Variants in VIT observed in about 807,000 individuals in gnomAD.
VIT encodes the protein vitrin.
Under a neutral mutation model 78.0 loss-of-function variants are expected in VIT, and 99 were observed. The observed-to-expected ratio is 1.27, with a 90% CI of 1.08 to 1.50. The LOEUF is 1.50. Among genes scored for constraint, VIT ranks in the 40% most tolerant of loss-of-function variants. The pLI, the probability that VIT is intolerant of heterozygous loss-of-function variation, is 0.00. For missense variants in VIT, 1,126 were observed against 875.3 expected (o/e 1.29, Z -3.61); for synonymous variants, 374 against 334.3 (o/e 1.12, Z -1.29).
At position 36,810,439 on chromosome 2, in the gene VIT, T is replaced by A. The variant is rs143570707; in HGVS notation, c.1903+1454T>A. Among the ~76,000 whole-genome samples, 723 of 152,318 alleles carry A rather than the reference T, an allele frequency of 4.7e-3. 6 individuals carry two copies. The highest frequency in any genetic ancestry group is 0.016 in the African/African-American group (670 of 41,566). The stretch of plus-strand genomic sequence containing the variant: ...ATGCCTTTATTGCAGAATTTATGTA[T>A]AATCACTGATCCAAAAAGTGTCATA... On this transcript the variant is annotated intron_variant, in intron 15 of 15. Transcript: ENST00000379242.
chr2:36,732,874 G>C (rs79618036), intron 3 of VIT, among the ~76,000 whole-genome samples: 2,547 of 152,316 alleles, frequency 0.017, 70 homozygotes, highest in African/African-American at 0.059. Flanking sequence ...AGGCCAAATA[G>C]GGATTGGCCA....
intron 3 of VIT, among the ~76,000 whole-genome samples, chr2:36,742,547 T>A (rs1236212061): frequency 6.6e-6 from 1 of 152,134 alleles, no homozygotes; most frequent in Non-Finnish European, 1.5e-5. Context: ...GCCTTCCACA[T>A]CCTACATAGA....
intron 9 of VIT, among the ~76,000 whole-genome samples, chr2:36,776,665 C>G (rs867231626): frequency 6.6e-6 from 1 of 151,778 alleles, no homozygotes; most frequent in East Asian, 1.9e-4. Flanking sequence ...GCCGGTGGTG[C>G]GTGCCTGTAA....
At chr2:36,729,559 G>C in intron 3 of VIT, 68 bp downstream of exon 3, 3 of 1,504,342 alleles carry the variant, frequency 2.0e-6, no homozygotes, top group African/African-American at 1.4e-5. Flanking sequence ...TATTATACTT[G>C]TTTTAGGTAA....
In VIT at chr2:36,757,085, T is replaced by C. The variant is rs186680266; in HGVS notation, c.410-1884T>C. Among the ~76,000 whole-genome samples the C allele has an allele frequency of 3.0e-4, 46 of 152,326 alleles. 1 individual carries two copies. Among genetic ancestry groups the C allele is most frequent in the Admixed American group, 2.0e-3 (31 of 15,292 alleles). Reference sequence around the variant, plus strand: ...GGCTTGGAAGCCTCTCTCGAATGGATGAGTTAGGAGCTCACTGCAGCATAA... The same window carrying C: ...GGCTTGGAAGCCTCTCTCGAATGGACGAGTTAGGAGCTCACTGCAGCATAA... On this transcript the variant is annotated intron_variant, in intron 5 of 15. Coordinates refer to ENST00000379242, the MANE Select transcript of VIT (RefSeq NM_053276.4).
rs80229188 is a variant in VIT at position 36,767,919 on chromosome 2, G to A, written c.679+634G>A. On this transcript the variant is annotated intron_variant, in intron 7 of 15. Transcript: ENST00000379242. ...TCCAGAACTTTTCTAGCAAGGGGGCGAAAACTTCTGCAGCTGGAGTTCCAC... is the reference window on the plus strand; with the variant it reads ...TCCAGAACTTTTCTAGCAAGGGGGCAAAAACTTCTGCAGCTGGAGTTCCAC... Among the ~76,000 whole-genome samples the A allele has an allele frequency of 5.0e-3, 764 of 152,236 alleles. 6 individuals carry two copies. Among genetic ancestry groups the A allele is most frequent in the African/African-American group, 0.017 (727 of 41,554 alleles).
At chr2:36,776,488 C>A (rs908967760) in intron 9 of VIT, among the ~76,000 whole-genome samples, 2 of 152,036 alleles carry the variant, frequency 1.3e-5, no homozygotes, top group Non-Finnish European at 2.9e-5. Context: ...TATAATAATT[C>A]TATTGTCACT....
Position 36,741,363 on chromosome 2 carries a change from A to C in VIT, c.119-1737A>C, listed in dbSNP as rs146981236. Reference sequence around the variant, plus strand: ...GAGAATGAAACCACAAAACTGTTTGAAGCACAGCGCTCTACTTCTTAATGT... The same window carrying C: ...GAGAATGAAACCACAAAACTGTTTGCAGCACAGCGCTCTACTTCTTAATGT... On this transcript the variant is annotated intron_variant, in intron 3 of 15. Transcript: ENST00000379242. Among the ~76,000 whole-genome samples the C allele has an allele frequency of 6.6e-5, 10 of 152,340 alleles. No individual in the cohort carries two copies. The East Asian group carries it at 1.9e-3, about 29-fold the overall frequency.
At chr2:36,797,988 A>G (rs1000953362) in intron 12 of VIT, among the ~76,000 whole-genome samples, 2 of 152,118 alleles carry the variant, frequency 1.3e-5, no homozygotes, top group Non-Finnish European at 2.9e-5. Context: ...GGCTTTCCAG[A>G]TGAGGGAAGA....
At chr2:36,811,933 C>T (rs1037230657) in intron 15 of VIT, among the ~76,000 whole-genome samples, 25 of 152,146 alleles carry the variant, frequency 1.6e-4, no homozygotes, top group Non-Finnish European at 3.5e-4. Flanking sequence ...ACCTCAGCCT[C>T]CCGAAGTGCT....
intron 12 of VIT, among the ~76,000 whole-genome samples, chr2:36,788,598 T>G (rs1665266815): frequency 6.6e-6 from 1 of 152,154 alleles, no homozygotes; most frequent in African/African-American, 2.4e-5. Context: ...ATAAGAAAAG[T>G]GCGGTTTTAG....
At chr2:36,791,512 G>C (rs1197763851) in intron 12 of VIT, among the ~76,000 whole-genome samples, 1 of 152,104 alleles carries the variant, frequency 6.6e-6, no homozygotes, top group Non-Finnish European at 1.5e-5. Flanking sequence ...ACTCTGAGAT[G>C]GGGGGGTTCT....
At chr2:36,702,843 T>TCC (rs1409662615) in intron 1 of VIT, among the ~76,000 whole-genome samples, 1 of 152,186 alleles carries the variant, frequency 6.6e-6, no homozygotes, top group Admixed American at 6.5e-5. Context: ...CACCTGTAGT[T>TCC]CCCTGGATGT....
chr2:36,762,028 T>C (rs921054044), intron 6 of VIT, among the ~76,000 whole-genome samples: 1 of 152,208 alleles, frequency 6.6e-6, no homozygotes, highest in African/African-American at 2.4e-5. Context: ...CAGGGAAAGT[T>C]GCAGGGAAAA....
chr2:36,702,647 T>TC lies in VIT; in HGVS notation c.-19+5676dup, dbSNP rs541120730. Among the ~76,000 whole-genome samples the TC allele has an allele frequency of 2.4e-4, 37 of 152,190 alleles. No individual in the cohort carries two copies. In the South Asian group the frequency reaches 7.7e-3, roughly 32 times the overall value. Reference sequence around the variant, plus strand: ...GGCCACCAACGGTAGTCTCTTCGTGTCCAGAGTTGAAGTGGGTACAGGGAG... The same window carrying TC: ...GGCCACCAACGGTAGTCTCTTCGTGTCCCAGAGTTGAAGTGGGTACAGGGAG... On this transcript the variant is annotated intron_variant, in intron 1 of 15. Transcript: ENST00000379242.
chr2:36,726,292 T>C (rs1666839458), intron 2 of VIT, among the ~76,000 whole-genome samples: 1 of 152,158 alleles, frequency 6.6e-6, no homozygotes, highest in Non-Finnish European at 1.5e-5. Flanking sequence ...AGAAAGAACA[T>C]TTAATGACAT....
intron 5 of VIT, among the ~76,000 whole-genome samples, chr2:36,756,368 C>T (rs2148554663): frequency 6.6e-6 from 1 of 152,268 alleles, no homozygotes; most frequent in African/African-American, 2.4e-5. Flanking sequence ...AACTTCCTGG[C>T]CTCCCAACAA....
intron 12 of VIT, among the ~76,000 whole-genome samples, chr2:36,790,063 A>C (rs1665381890): frequency 6.6e-6 from 1 of 152,260 alleles, no homozygotes; most frequent in Admixed American, 6.5e-5. Context: ...CAAATTTAGA[A>C]GTTAAAAGAC....
intron 2 of VIT, among the ~76,000 whole-genome samples, chr2:36,722,426 T>A (rs1474148959): frequency 2.0e-5 from 3 of 152,246 alleles, no homozygotes; most frequent in Admixed American, 6.5e-5. Flanking sequence ...ATCCTATGAT[T>A]TGAAGCATAA....
Sources: gnomAD v4.1 joint callset for allele counts (sites outside exome capture counted in the v4.1 genomes callset) on GRCh38, gnomAD v4.1.1 for gene constraint, MANE v1.5 for transcripts, NCBI Gene and HGNC (gene_info 2026-07-23, HGNC 2026-07-21) for gene names.